The following RBM26 variants were observed in gnomAD, a reference collection of about 807,000 sequenced individuals.
RBM26 encodes RNA binding motif protein 26, also known as RNA-binding protein 26.
Under a neutral mutation model 123.6 loss-of-function variants are expected in RBM26, and 30 were observed. The ratio of observed to expected loss-of-function variants is 0.24; its 90% CI spans 0.18 to 0.33. RBM26 has a LOEUF of 0.33. Among genes scored for constraint, RBM26 ranks in the 10% least tolerant of loss-of-function variants. The probability of loss-of-function intolerance (pLI) is 1.00; values close to 1 mark genes in which losing one functional copy is unlikely to be tolerated. For synonymous variants in RBM26, 400 were observed against 404.4 expected, an observed-to-expected ratio of 0.99 and a Z score of 0.13; for missense variants, 947 against 1,203.6, an observed-to-expected ratio of 0.79 and a Z score of 3.15.
At position 79,370,994 on chromosome 13, in the gene RBM26, C is replaced by T. The variant is rs933691638; in HGVS notation, c.585G>A (p.Arg195=). The part of the protein sequence containing the change: ...RSWSKERLRE[R]DRDRSRTRSR... ...TTCTAGTCCTGCTTCTATCTCTGTCCCTCTCACGAAGCCTCTCTTTACTCC... is the reference window on the plus strand; with the variant it reads ...TTCTAGTCCTGCTTCTATCTCTGTCTCTCTCACGAAGCCTCTCTTTACTCC... The change falls in exon 5 of 22, where the codon AGG becomes AGA. Residue 195 remains arginine, a synonymous_variant. Coordinates refer to ENST00000438737, the MANE Select transcript of RBM26 (RefSeq NM_001366735.2). 3.6e-5 allele frequency: 58 copies of T among 1,592,968 alleles called. 1 individual carries two copies. The highest frequency in any genetic ancestry group is 4.1e-5 in the Non-Finnish European group (48 of 1,160,864).
intron 20 of RBM26, among the ~76,000 whole-genome samples, chr13:79,324,908 G>A (rs2068144241): frequency 6.6e-6 from 1 of 151,784 alleles, no homozygotes; most frequent in South Asian, 2.1e-4. Flanking sequence ...TTTATTCCTT[G>A]ATTTAAAACA....
At chr13:79,326,716 A>G (rs1178981047) in intron 20 of RBM26, among the ~76,000 whole-genome samples, 1 of 152,190 alleles carries the variant, frequency 6.6e-6, no homozygotes, top group East Asian at 1.9e-4. Flanking sequence ...AAGCAACTTA[A>G]ATTATCTCAG....
At chr13:79,373,701 T>TCATA (rs1555331765) in intron 3 of RBM26, among the ~76,000 whole-genome samples, 3 of 73,400 alleles carry the variant, frequency 4.1e-5, no homozygotes, top group Non-Finnish European at 7.1e-5. Flanking sequence ...ATATAATATT[T>TCATA]TATATATATA....
intron 1 of RBM26, among the ~76,000 whole-genome samples, chr13:79,380,193 G>A (rs543108716): frequency 1.3e-5 from 2 of 152,242 alleles, no homozygotes; most frequent in South Asian, 2.1e-4. Flanking sequence ...ATGTGCACAT[G>A]TCCATTTAGA....
intron 20 of RBM26, 84 bp downstream of exon 20, chr13:79,334,260 T>C (rs999417523): frequency 1.3e-6 from 1 of 756,618 alleles, no homozygotes; most frequent in Non-Finnish European, 2.1e-6. Flanking sequence ...TTTAGTAAGT[T>C]AAAAAATTCA....
chr13:79,365,979 A>G, intron 8 of RBM26, 76 bp downstream of exon 8: 1 of 1,422,042 alleles, frequency 7.0e-7, no homozygotes, highest in Non-Finnish European at 9.8e-7. Flanking sequence ...TCACAGAGCA[A>G]TTCTCTCTAG....
rs1170240170 is a variant in RBM26, at chr13:79,354,547, C to G, written c.1878G>C (p.Gln626His). Residue 626 changes from glutamine (Q) to histidine (H), a missense_variant, in exon 13 of 22, where the codon CAG (glutamine) becomes CAC (histidine). Coordinates refer to ENST00000438737, the MANE Select transcript of RBM26 (RefSeq NM_001366735.2). Reference sequence around the variant, plus strand: ...ACTGCTTCACAACAGGCAAAATGGGCTGCTGGACTAAAGGCTGCATTACCT... The same window carrying G: ...ACTGCTTCACAACAGGCAAAATGGGGTGCTGGACTAAAGGCTGCATTACCT... ...SPKVMQPLVQ[Q>H]PILPVVKQSV... 7 of 1,603,040 alleles carry G rather than the reference C, an allele frequency of 4.4e-6. No individual in the cohort carries two copies. The highest frequency in any genetic ancestry group is 6.0e-6 in the Non-Finnish European group (7 of 1,172,740).
chr13:79,394,784 T>G (rs2078411637), intron 1 of RBM26, among the ~76,000 whole-genome samples: 1 of 152,178 alleles, frequency 6.6e-6, no homozygotes, highest in East Asian at 1.9e-4. Flanking sequence ...CAGGCACCCA[T>G]AACAACACCC....
At chr13:79,373,341 T>A (rs2076208077) in intron 3 of RBM26, among the ~76,000 whole-genome samples, 1 of 105,036 alleles carries the variant, frequency 9.5e-6, no homozygotes. Context: ...AAATATATAT[T>A]ATATATAAAT....
chr13:79,404,203 C>T lies in RBM26; in HGVS notation c.71+1501G>A, dbSNP rs575727771. 9.8e-5 allele frequency among the ~76,000 whole-genome samples: 15 copies of T among 152,288 alleles called. No homozygotes were observed. In the South Asian group the frequency reaches 2.7e-3, roughly 27 times the overall value. The stretch of plus-strand genomic sequence containing the variant: ...ACTAGCCATCCACTTTCCTTCTCCC[C>T]TTAACCTGTTCTCTGCCTTCTCTAA... On this transcript the variant is annotated intron_variant, in intron 1 of 21. Transcript: ENST00000438737.
At chr13:79,322,174 A>C (rs559059423) in intron 21 of RBM26, 175 bp downstream of exon 21, 1 of 426,872 alleles carries the variant, frequency 2.3e-6, no homozygotes, top group African/African-American at 2.1e-5. Flanking sequence ...AGCAATCCAC[A>C]TTTCTTCTCA....
Position 79,366,100 on chromosome 13 carries a change from T to C in RBM26, c.1231A>G (p.Ile411Val). 1.2e-6 allele frequency: 2 copies of C among 1,614,066 alleles called. No individual in the cohort carries two copies. Among genetic ancestry groups the C allele is most frequent in the Admixed American group, 1.7e-5 (1 of 60,016 alleles). Residue 411 changes from isoleucine (I) to valine (V), a missense_variant, in exon 8 of 22, where the codon ATT (isoleucine) becomes GTT (valine). By Grantham distance (29) the Ile-to-Val change is conservative. Transcript: ENST00000438737. Reference protein sequence around the residue: ...SSVPTVVTTGIHHQPPPAPPS... With the variant: ...SSVPTVVTTGVHHQPPPAPPS... ...GGAGCAGGAGGAGGCTGGTGATGAA[T>C]GCCAGTTGTTACTACAGTAGGAACA...
At chr13:79,356,582 G>C (rs1014815580) in intron 11 of RBM26, among the ~76,000 whole-genome samples, 1 of 152,012 alleles carries the variant, frequency 6.6e-6, no homozygotes, top group East Asian at 1.9e-4. Context: ...TACACAGTCA[G>C]AAGTATTCAA....
At chr13:79,370,847 A>G in intron 5 of RBM26, 98 bp downstream of exon 5, 2 of 1,291,658 alleles carry the variant, frequency 1.5e-6, no homozygotes, top group Non-Finnish European at 2.1e-6. Flanking sequence ...ATCATAATAG[A>G]AAAAAATGAA....
At chr13:79,366,963 T>G in intron 6 of RBM26, 91 bp from the exon 7 acceptor site, 5 of 1,120,334 alleles carry the variant, frequency 4.5e-6, no homozygotes, top group Non-Finnish European at 6.1e-6. Flanking sequence ...TTTAAAAATA[T>G]GAATATTTTT....
In RBM26 at chr13:79,371,106, T is replaced by A. The variant is rs2075832211; in HGVS notation, c.473A>T (p.Asn158Ile). 1.9e-6 allele frequency: 3 copies of A among 1,614,162 alleles called. No homozygotes were observed. The highest frequency in any genetic ancestry group is 2.5e-6 in the Non-Finnish European group (3 of 1,180,030). The change falls in exon 5 of 22, where the codon AAC becomes ATC. Residue 158 changes from asparagine to isoleucine, a missense_variant. Around this residue, in one of 5 missense-constraint regions of RBM26, gnomAD observed 275 missense variants for 361.0 expected, o/e 0.76. Coordinates refer to ENST00000438737, the MANE Select transcript of RBM26 (RefSeq NM_001366735.2). ...DRSRKRDYDR[N>I]PPRRDSYRDR... ...TCTGTATGAATCTCTTCGAGGAGGG[T>A]TTCGATCATAATCTCTTTTGCGAGA...
intron 14 of RBM26, among the ~76,000 whole-genome samples, chr13:79,349,344 G>C (rs1311076532): frequency 6.6e-6 from 1 of 151,966 alleles, no homozygotes; most frequent in Admixed American, 6.6e-5. Context: ...CCAATCCCCT[G>C]TCCTCAGCCA....
chr13:79,344,441 T>C (rs2071948712), intron 15 of RBM26, 119 bp from the exon 16 acceptor site: 1 of 890,988 alleles, frequency 1.1e-6, no homozygotes, highest in East Asian at 2.5e-5. Context: ...TGCAAGGCTT[T>C]TCTATGTAAA....
At chr13:79,357,514 T>C (rs914783622) in intron 11 of RBM26, among the ~76,000 whole-genome samples, 1 of 152,144 alleles carries the variant, frequency 6.6e-6, no homozygotes, top group African/African-American at 2.4e-5. Context: ...TGCAGTCAAA[T>C]ACAAATTACT....
Sources: gnomAD v4.1 joint callset for allele counts (sites outside exome capture counted in the v4.1 genomes callset) on GRCh38, gnomAD v4.1.1 for gene constraint, gnomAD v4.1.1 regional missense constraint, MANE v1.5 for transcripts, NCBI Gene and HGNC (gene_info 2026-07-23, HGNC 2026-07-21) for gene names.